The following HTR2A variants were observed in gnomAD, a reference collection of about 807,000 sequenced individuals.
The protein encoded by HTR2A is 5-HT2 receptor.
In HTR2A, 14 loss-of-function variants were observed where a neutral mutation model predicts 31.0. The ratio of observed to expected loss-of-function variants is 0.45; its 90% CI spans 0.30 to 0.71. The LOEUF is 0.71. Among genes scored for constraint, HTR2A ranks in the 30% least tolerant of loss-of-function variants. HTR2A has a pLI of 0.09. For missense variants in HTR2A, 442 were observed against 573.3 expected, an observed-to-expected ratio of 0.77 and a Z score of 2.34; for synonymous variants, 209 against 225.2, an observed-to-expected ratio of 0.93 and a Z score of 0.64.
Position 46,887,085 on chromosome 13 carries a change from A to G in HTR2A, c.613+5305T>C, listed in dbSNP as rs137969643. On this transcript the variant is annotated intron_variant, in intron 3 of 3. Coordinates refer to ENST00000542664, the MANE Select transcript of HTR2A (RefSeq NM_000621.5). ...TGGAGAAAGGCAGTATCAACAAAAC[A>G]CCCAAACATTTTATTTCAGTGTCCA... 5.9e-5 allele frequency among the ~76,000 whole-genome samples: 9 copies of G among 152,242 alleles called. No homozygotes were observed. The East Asian group carries it at 1.5e-3, about 26-fold the overall frequency.
At chr13:46,855,855 G>A (rs1950732265) in intron 3 of HTR2A, among the ~76,000 whole-genome samples, 1 of 152,176 alleles carries the variant, frequency 6.6e-6, no homozygotes, top group Admixed American at 6.5e-5. Flanking sequence ...CATATGATGT[G>A]GGTGGGGTCC....
chr13:46,839,481 C>G (rs1950583020), intron 3 of HTR2A, among the ~76,000 whole-genome samples: 1 of 152,156 alleles, frequency 6.6e-6, no homozygotes, highest in Admixed American at 6.5e-5. Context: ...TCACAGCCAT[C>G]TCTAGGGCAT....
chr13:46,879,819 A>G (rs1419735851), intron 3 of HTR2A, among the ~76,000 whole-genome samples: 1 of 152,098 alleles, frequency 6.6e-6, no homozygotes. Context: ...AGCCTGGGCA[A>G]CACATTGAAA....
chr13:46,869,457 C>A (rs1424063715), intron 3 of HTR2A, among the ~76,000 whole-genome samples: 1 of 152,010 alleles, frequency 6.6e-6, no homozygotes, highest in Non-Finnish European at 1.5e-5. Flanking sequence ...GAAATCAGAA[C>A]CCTTGTACGT....
At chr13:46,873,716 G>A (rs1229247781) in intron 3 of HTR2A, among the ~76,000 whole-genome samples, 3 of 151,988 alleles carry the variant, frequency 2.0e-5, no homozygotes, top group Admixed American at 6.6e-5. Context: ...TTGTCCTTGC[G>A]ATAGTTTACT....
chr13:46,833,643 T>C lies in HTR2A; in HGVS notation c.*1194A>G, dbSNP rs995118037. Reference sequence around the variant, plus strand: ...AGCCTCCCAAAGTGCTAGGATTACATGCACGAGCCTCCGTGCCTGGCCGAG... The same window carrying C: ...AGCCTCCCAAAGTGCTAGGATTACACGCACGAGCCTCCGTGCCTGGCCGAG... On this transcript the variant is annotated 3_prime_UTR_variant, in exon 4 of 4. Transcript: ENST00000542664. 1 of 152,160 alleles carries C rather than the reference T, an allele frequency of 6.6e-6. No homozygotes were observed. Among genetic ancestry groups the C allele is most frequent in the Non-Finnish European group, 1.5e-5 (1 of 68,020 alleles). The allele number at this position is 152,160 out of a possible 1,614,324, so 9.4% of individuals were successfully genotyped here. A position where few individuals can be genotyped will look rare whatever the true frequency, so the allele number is the denominator to read the frequency against.
In HTR2A at chr13:46,832,383, A is replaced by C. The variant is rs186026796; in HGVS notation, c.*2454T>G. 1.3e-5 allele frequency: 2 copies of C among 152,374 alleles called. No individual in the cohort carries two copies. Among genetic ancestry groups the C allele is most frequent in the Admixed American group, 1.3e-4 (2 of 15,304 alleles). 9.4% of individuals were successfully genotyped at this position (152,374 alleles called of 1,614,324 possible). ...CATGTCTGTACATATATACAGCTAC[A>C]CATTTGCCTATACAGTATACACTTG... is the stretch of plus-strand genomic sequence containing the variant. On this transcript the variant is annotated 3_prime_UTR_variant, in exon 4 of 4. Transcript: ENST00000542664.
chr13:46,884,729 A>G (rs1950992913), intron 3 of HTR2A, among the ~76,000 whole-genome samples: 1 of 152,186 alleles, frequency 6.6e-6, no homozygotes, highest in Non-Finnish European at 1.5e-5. Context: ...GAAAAAGATG[A>G]CAATCCTGCC....
chr13:46,839,276 C>T (rs962750204), intron 3 of HTR2A, among the ~76,000 whole-genome samples: 1 of 152,104 alleles, frequency 6.6e-6, no homozygotes, highest in African/African-American at 2.4e-5. Context: ...CCATGCCTCA[C>T]TCATAGTATC....
At chr13:46,853,577 T>G (rs943951094) in intron 3 of HTR2A, among the ~76,000 whole-genome samples, 1 of 152,188 alleles carries the variant, frequency 6.6e-6, no homozygotes, top group Admixed American at 6.5e-5. Flanking sequence ...ATGATTCTAA[T>G]GTGCTGCTAA....
At chr13:46,848,219 A>G (rs916896731) in intron 3 of HTR2A, among the ~76,000 whole-genome samples, 1 of 152,190 alleles carries the variant, frequency 6.6e-6, no homozygotes, top group African/African-American at 2.4e-5. Flanking sequence ...GCAACATTGT[A>G]GAGTCATTTC....
intron 3 of HTR2A, among the ~76,000 whole-genome samples, chr13:46,841,231 A>T (rs1950594624): frequency 6.6e-6 from 1 of 152,054 alleles, no homozygotes; most frequent in Non-Finnish European, 1.5e-5. Context: ...TAGCAGTGTG[A>T]GAACAGACTA....
At position 46,892,459 on chromosome 13, in the gene HTR2A, G is replaced by T. The variant is rs1566321370; in HGVS notation, c.544C>A (p.His182Asn). 11 of 1,614,262 alleles carry T rather than the reference G, an allele frequency of 6.8e-6. No homozygotes were observed. The highest frequency in any genetic ancestry group is 9.3e-6 in the Non-Finnish European group (11 of 1,180,046). ...DRYVAIQNPI[H>N]HSRFNSRTKA... is the part of the protein sequence containing the mutation. ...GTTCTGGAGTTGAAGCGGCTGTGGTGGATGGGATTCTGGATGGCGACGTAG... is the reference window on the plus strand; with the variant it reads ...GTTCTGGAGTTGAAGCGGCTGTGGTTGATGGGATTCTGGATGGCGACGTAG... The change falls in exon 3 of 4, where the codon CAC (histidine) becomes AAC (asparagine). Residue 182 changes from histidine to asparagine, a missense_variant. Around this residue, in one of 5 missense-constraint regions of HTR2A, gnomAD observed 86 missense variants for 179.1 expected, o/e 0.48. Coordinates refer to ENST00000542664, the MANE Select transcript of HTR2A (RefSeq NM_000621.5).
intron 3 of HTR2A, among the ~76,000 whole-genome samples, chr13:46,868,861 T>G (rs1418005861): frequency 1.8e-4 from 28 of 152,204 alleles, no homozygotes; most frequent in Admixed American, 1.8e-3. Flanking sequence ...TATTAAAATA[T>G]TCTTATTAAG....
chr13:46,896,202 G>A lies in HTR2A; in HGVS notation c.-296C>T. 1 of 1,162,214 alleles carries A rather than the reference G, an allele frequency of 8.6e-7. No individual in the cohort carries two copies. The highest frequency in any genetic ancestry group is 1.1e-6 in the Non-Finnish European group (1 of 944,700). 72.0% of individuals were successfully genotyped at this position (1,162,214 alleles called of 1,614,324 possible). On this transcript the variant is annotated 5_prime_UTR_variant, in exon 2 of 4. Transcript: ENST00000542664. Reference sequence around the variant, plus strand: ...TGAACTTTTAGCATAGAGGTTGCAGGGTTTTTTTTGAGCGCTCGGGAAGAT... The same window carrying A: ...TGAACTTTTAGCATAGAGGTTGCAGAGTTTTTTTTGAGCGCTCGGGAAGAT...
chr13:46,894,061 T>G (rs1468603798), intron 2 of HTR2A, among the ~76,000 whole-genome samples: 1 of 152,352 alleles, frequency 6.6e-6, no homozygotes, highest in East Asian at 1.9e-4. Context: ...CGGAGGGGTT[T>G]CTCTGCCAGG....
intron 3 of HTR2A, among the ~76,000 whole-genome samples, chr13:46,839,008 A>ACACACTCACACACACC (rs1555296630): frequency 6.9e-6 from 1 of 143,956 alleles, no homozygotes; most frequent in Non-Finnish European, 1.5e-5. Flanking sequence ...ACACACACAC[A>ACACACTCACACACACC]CCCTTACAGA....
intron 3 of HTR2A, among the ~76,000 whole-genome samples, chr13:46,855,906 G>A (rs888868566): frequency 5.9e-5 from 9 of 152,200 alleles, no homozygotes; most frequent in Admixed American, 2.6e-4. Flanking sequence ...AGCTCTGGGC[G>A]TTGGAGCAAA....
chr13:46,892,264 A>T, intron 3 of HTR2A, 126 bp downstream of exon 3: 2 of 869,676 alleles, frequency 2.3e-6, no homozygotes, highest in Non-Finnish European at 1.9e-6. Context: ...ATGTTGTAAC[A>T]TATCTTGCAC....
Sources: gnomAD v4.1 joint callset for allele counts (sites outside exome capture counted in the v4.1 genomes callset) on GRCh38, gnomAD v4.1.1 for gene constraint, gnomAD v4.1.1 regional missense constraint, MANE v1.5 for transcripts, NCBI Gene and HGNC (gene_info 2026-07-23, HGNC 2026-07-21) for gene names.